Variants in GOLGA8M observed in about 807,000 individuals in gnomAD.
GOLGA8M encodes the protein golgin A8 family member M, also known as golgin subfamily A member 8M.
Under a neutral mutation model 87.7 loss-of-function variants are expected in GOLGA8M, and 34 were observed. That is an observed-to-expected ratio of 0.39 (90% CI 0.29 to 0.52). The LOEUF (loss-of-function observed/expected upper bound fraction) is 0.52. Ranked by LOEUF, GOLGA8M falls within the 20% of genes least tolerant of loss-of-function variation. The probability of loss-of-function intolerance (pLI) is 0.80; values close to 1 mark genes in which losing one functional copy is unlikely to be tolerated. For synonymous variants in GOLGA8M, 138 were observed against 250.2 expected, an observed-to-expected ratio of 0.55 and a Z score of 4.23; for missense variants, 396 against 682.2, an observed-to-expected ratio of 0.58 and a Z score of 4.67.
intron 8 of GOLGA8M, among the ~76,000 whole-genome samples, chr15:28,707,230 G>A (rs954288083): frequency 7.4e-6 from 1 of 134,528 alleles, no homozygotes; most frequent in African/African-American, 3.1e-5. Context: ...TTTTTGAAAG[G>A]ATGATACATT....
At position 28,701,241 on chromosome 15, in the gene GOLGA8M, C is replaced by G. The variant is rs1049821080; in HGVS notation, c.*713G>C. 6.6e-6 allele frequency among the ~76,000 whole-genome samples: 1 copy of G among 151,896 alleles called. No individual in the cohort carries two copies. The highest frequency in any genetic ancestry group is 1.5e-5 in the Non-Finnish European group (1 of 68,022). Reference sequence around the variant, plus strand: ...TCCTAAGGGCACCACCATAATACACCGCTAATTCCTGGCACCGGAACAGAT... The same window carrying G: ...TCCTAAGGGCACCACCATAATACACGGCTAATTCCTGGCACCGGAACAGAT... On this transcript the variant is annotated 3_prime_UTR_variant, in exon 19 of 19. Transcript: ENST00000563027.
chr15:28,709,077 T>G, intron 4 of GOLGA8M, among the ~76,000 whole-genome samples, 190 bp downstream of exon 4: 2 of 117,034 alleles, frequency 1.7e-5, no homozygotes, highest in Non-Finnish European at 3.5e-5. Context: ...GAGGAGAGAG[T>G]CGGCAAAGAG....
At chr15:28,712,655 T>G (rs2080228697), upstream of GOLGA8M, among the ~76,000 whole-genome samples, 2 of 152,008 alleles carry the variant, frequency 1.3e-5, no homozygotes, top group Non-Finnish European at 2.9e-5. Context: ...AGGGGCCAGC[T>G]TTTGCTTTAA....
chr15:28,699,062 GTTATA>G lies in GOLGA8M; in HGVS notation c.*2887_*2891del, dbSNP rs1164732018. ...AAGATAGCAGTTACATATTTTAATA[GTTATA>G]TTATTTTAAAACAACTCTTTAAAGT... On this transcript the variant is annotated 3_prime_UTR_variant, in exon 19 of 19. Coordinates refer to ENST00000563027, the MANE Select transcript of GOLGA8M (RefSeq NM_001282468.3). Among the ~76,000 whole-genome samples the G allele has an allele frequency of 1.3e-5, 2 of 149,380 alleles. No individual in the cohort carries two copies. The highest frequency in any genetic ancestry group is 2.5e-5 in the African/African-American group (1 of 40,362).
At chr15:28,704,987 C>G (rs1484998005) in intron 13 of GOLGA8M, 172 bp downstream of exon 13, 4 of 1,017,102 alleles carry the variant, frequency 3.9e-6, no homozygotes, top group Non-Finnish European at 1.5e-6. Context: ...CCAGGGCTAC[C>G]CACCTTTAAA....
In GOLGA8M at chr15:28,702,020, T is replaced by C; in HGVS notation, c.1833A>G (p.Pro611=). Residue 611 remains proline (P), a synonymous_variant, in exon 19 of 19, where the codon CCA becomes CCG. Transcript: ENST00000563027. ...QPIVQDHQEH[P]GLGSNCCVPF... is the part of the protein sequence containing the mutation. ...GCACACAGCAGTTGCTGCCCAAGCC[T>C]GGGTGCTCCTGGTGGTCCTGCACGA... is the stretch of plus-strand genomic sequence containing the variant. 1 of 1,598,060 alleles carries C rather than the reference T, an allele frequency of 6.3e-7. No homozygotes were observed. The highest frequency in any genetic ancestry group is 8.5e-7 in the Non-Finnish European group (1 of 1,179,724).
At chr15:28,712,217 C>T in intron 1 of GOLGA8M, 59 bp downstream of exon 1, 1 of 1,500,844 alleles carries the variant, frequency 6.7e-7, no homozygotes, top group Non-Finnish European at 9.0e-7. Flanking sequence ...TGGCAGGGGT[C>T]TTGTCATCAG....
chr15:28,698,608 T>A lies in GOLGA8M; in HGVS notation c.*3346A>T, dbSNP rs553388291. 1.4e-5 allele frequency among the ~76,000 whole-genome samples: 2 copies of A among 147,662 alleles called. No homozygotes were observed. Among genetic ancestry groups the A allele is most frequent in the African/African-American group, 2.6e-5 (1 of 38,004 alleles). Reference sequence around the variant, plus strand: ...TTTTTTAATTAACCCATAACTTTTTTATTTTGGTTTTTAATAAACACTTGC... The same window carrying A: ...TTTTTTAATTAACCCATAACTTTTTAATTTTGGTTTTTAATAAACACTTGC... On this transcript the variant is annotated 3_prime_UTR_variant, in exon 19 of 19. Transcript: ENST00000563027.
Position 28,701,004 on chromosome 15 carries a change from G to A in GOLGA8M, c.*950C>T, listed in dbSNP as rs1171279156. Among the ~76,000 whole-genome samples the A allele has an allele frequency of 2.0e-5, 3 of 152,158 alleles. No individual in the cohort carries two copies. The highest frequency in any genetic ancestry group is 4.4e-5 in the Non-Finnish European group (3 of 68,018). ...AGTGTCCTTTTGTGTACTGGGACAT[G>A]TAGTCATGCGATTAAAACAGGTAAC... On this transcript the variant is annotated 3_prime_UTR_variant, in exon 19 of 19. Coordinates refer to ENST00000563027, the MANE Select transcript of GOLGA8M (RefSeq NM_001282468.3).
intron 15 of GOLGA8M, among the ~76,000 whole-genome samples, 189 bp downstream of exon 15, chr15:28,703,130 G>A (rs1190077596): frequency 2.2e-5 from 3 of 133,706 alleles, no homozygotes; most frequent in African/African-American, 9.4e-5. Context: ...GAGGTGGAGC[G>A]CAGCCCCTTC....
intron 1 of GOLGA8M, 188 bp downstream of exon 1, chr15:28,712,088 G>A (rs1366889774): frequency 1.0e-5 from 10 of 981,674 alleles, no homozygotes; most frequent in African/African-American, 1.8e-5. Context: ...ATTGGCGAGG[G>A]CAAGGACTGG....
Position 28,706,455 on chromosome 15 carries a change from G to A in GOLGA8M, c.730C>T (p.His244Tyr). The A allele has an allele frequency of 8.2e-7, 1 of 1,220,232 alleles. No individual in the cohort carries two copies. Among genetic ancestry groups the A allele is most frequent in the Non-Finnish European group, 1.2e-6 (1 of 840,722 alleles). The allele number at this position is 1,220,232 out of a possible 1,614,324, so 75.6% of individuals were successfully genotyped here. A position where few individuals can be genotyped will look rare whatever the true frequency, so the allele number is the denominator to read the frequency against. The part of the protein sequence containing the change: ...VQLERDEYSE[H>Y]LKGERARWQQ... ...CACCGGGCCCTCTCTCCTTTTAGAT[G>A]TTCAGAATACTCATCTCTTTCTAAT... Residue 244 changes from histidine (H) to tyrosine (Y), a missense_variant, in exon 10 of 19, where the codon CAT becomes TAT. His to Tyr is a moderately conservative substitution (Grantham distance 83). Around this residue, in one of 12 missense-constraint regions of GOLGA8M, gnomAD observed 16 missense variants for 19.8 expected, o/e 0.81. Coordinates refer to ENST00000563027, the MANE Select transcript of GOLGA8M (RefSeq NM_001282468.3).
At chr15:28,711,406 ATC>A (rs1392847580) in intron 1 of GOLGA8M, 2 of 619,980 alleles carry the variant, frequency 3.2e-6, no homozygotes. Context: ...AAATGTTAAA[ATC>A]TCTCTGGAAA....
chr15:28,701,984 G>A lies in GOLGA8M; in HGVS notation c.1869C>T (p.Cys623=), dbSNP rs777991280. The A allele has an allele frequency of 7.9e-5, 126 of 1,599,532 alleles. 1 individual carries two copies. The highest frequency in any genetic ancestry group is 4.5e-4 in the Middle Eastern group (2 of 4,452). Reference sequence around the variant, plus strand: ...TCCTTCTTCTTGGCAGCCAAGCCCAGCAAAAGAATGGCACACAGCAGTTGC... The same window carrying A: ...TCCTTCTTCTTGGCAGCCAAGCCCAACAAAAGAATGGCACACAGCAGTTGC... ...LGSNCCVPFF[C]WAWLPRRRR is the part of the protein sequence containing the mutation. Residue 623 remains cysteine (C), a synonymous_variant, in exon 19 of 19, where the codon TGC becomes TGT. Transcript: ENST00000563027.
chr15:28,704,281 G>T (rs1280624897), intron 13 of GOLGA8M, among the ~76,000 whole-genome samples: 1 of 148,886 alleles, frequency 6.7e-6, no homozygotes, highest in Non-Finnish European at 1.5e-5. Flanking sequence ...GCACGTGGTG[G>T]CTGGTTTCCA....
At chr15:28,709,903 A>G (rs1453665335) in intron 2 of GOLGA8M, among the ~76,000 whole-genome samples, 1 of 143,228 alleles carries the variant, frequency 7.0e-6, no homozygotes, top group African/African-American at 2.6e-5. Context: ...CAGGCCATGT[A>G]CTAGGGATTA....
At position 28,699,194 on chromosome 15, in the gene GOLGA8M, T is replaced by C. The variant is rs2079745432; in HGVS notation, c.*2760A>G. Among the ~76,000 whole-genome samples, 1 of 142,538 alleles carries C rather than the reference T, an allele frequency of 7.0e-6. No individual in the cohort carries two copies. Among genetic ancestry groups the C allele is most frequent in the African/African-American group, 2.7e-5 (1 of 37,276 alleles). The allele number at this position is 142,538 out of a possible 152,430, so 93.5% of individuals were successfully genotyped here. A position where few individuals can be genotyped will look rare whatever the true frequency, so the allele number is the denominator to read the frequency against. On this transcript the variant is annotated 3_prime_UTR_variant, in exon 19 of 19. Transcript: ENST00000563027. ...ATTTTTTTTTTCATTTCTGGAAAATTATCAGGTTGAATCAAATACTTTTAA... is the reference window on the plus strand; with the variant it reads ...ATTTTTTTTTTCATTTCTGGAAAATCATCAGGTTGAATCAAATACTTTTAA...
At chr15:28,706,335 T>G in intron 10 of GOLGA8M, 64 bp downstream of exon 10, 1 of 660,016 alleles carries the variant, frequency 1.5e-6, no homozygotes, top group African/African-American at 1.8e-5. Context: ...ATTCCCATTT[T>G]ACAGATGACC....
chr15:28,704,673 G>T (rs1030272971), intron 13 of GOLGA8M, among the ~76,000 whole-genome samples: 1 of 142,830 alleles, frequency 7.0e-6, no homozygotes, highest in Admixed American at 7.5e-5. Flanking sequence ...CACCTCCTGG[G>T]TTGAAGCAAT....
Sources: gnomAD v4.1 joint callset for allele counts (sites outside exome capture counted in the v4.1 genomes callset) on GRCh38, gnomAD v4.1.1 for gene constraint, gnomAD v4.1.1 regional missense constraint, MANE v1.5 for transcripts, NCBI Gene and HGNC (gene_info 2026-07-23, HGNC 2026-07-21) for gene names.